The following GAS7 variants were observed in gnomAD, a reference collection of about 807,000 sequenced individuals.
GAS7 encodes growth arrest specific 7.
Under a neutral mutation model 71.1 loss-of-function variants are expected in GAS7, and 28 were observed. The observed-to-expected ratio is 0.39, with a 90% CI of 0.29 to 0.54. GAS7 has a LOEUF of 0.54. Ranked by LOEUF, GAS7 falls within the 20% of genes least tolerant of loss-of-function variation. GAS7 has a pLI of 0.62. For missense variants in GAS7, 436 were observed against 627.8 expected, an observed-to-expected ratio of 0.69 and a Z score of 3.27; for synonymous variants, 258 against 245.8, an observed-to-expected ratio of 1.05 and a Z score of -0.46.
At chr17:9,999,352 T>C (rs1281019002) in intron 2 of GAS7, among the ~76,000 whole-genome samples, 1 of 152,110 alleles carries the variant, frequency 6.6e-6, no homozygotes, top group Non-Finnish European at 1.5e-5. Flanking sequence ...ACCCCGTCTC[T>C]ACTAAAAATA....
chr17:10,087,150 C>G (rs1003223666), intron 1 of GAS7, among the ~76,000 whole-genome samples: 1 of 152,226 alleles, frequency 6.6e-6, no homozygotes, highest in Non-Finnish European at 1.5e-5. Context: ...ATCCACCAGA[C>G]CAGGAGACTG....
At chr17:10,109,123 A>T (rs943897401) in intron 1 of GAS7, among the ~76,000 whole-genome samples, 6 of 152,112 alleles carry the variant, frequency 3.9e-5, no homozygotes, top group African/African-American at 1.4e-4. Flanking sequence ...AGCAAAAAAA[A>T]TTTAAAAAAA....
At chr17:10,053,900 G>GAGAGCTT (rs2073098297) in intron 1 of GAS7, among the ~76,000 whole-genome samples, 1 of 152,196 alleles carries the variant, frequency 6.6e-6, no homozygotes, top group Non-Finnish European at 1.5e-5. Context: ...GCTTCAGCAT[G>GAGAGCTT]CATCAGAAGG....
At chr17:10,190,808 T>G (rs2074492350) in intron 1 of GAS7, among the ~76,000 whole-genome samples, 1 of 150,072 alleles carries the variant, frequency 6.7e-6, no homozygotes, top group Non-Finnish European at 1.5e-5. Flanking sequence ...TAAAATACAC[T>G]AACGCTACTA....
intron 1 of GAS7, among the ~76,000 whole-genome samples, chr17:10,098,653 CCTT>C (rs1361156983): frequency 9.2e-5 from 14 of 152,188 alleles, no homozygotes; most frequent in African/African-American, 3.4e-4. Context: ...CAGGCACTCT[CCTT>C]CAGAACACAG....
At chr17:9,917,725 T>C (rs1340659179) in intron 13 of GAS7, among the ~76,000 whole-genome samples, 2 of 152,248 alleles carry the variant, frequency 1.3e-5, no homozygotes, top group African/African-American at 4.8e-5. Context: ...TTTAATAATG[T>C]CTTCAGCTAC....
At chr17:10,042,265 G>A (rs1043971083) in intron 1 of GAS7, among the ~76,000 whole-genome samples, 7 of 148,204 alleles carry the variant, frequency 4.7e-5, no homozygotes, top group African/African-American at 1.8e-4. Flanking sequence ...ACCGCACTCC[G>A]GCCTGGGTGA....
chr17:9,996,621 A>G (rs139837988), intron 2 of GAS7, among the ~76,000 whole-genome samples: 145 of 151,096 alleles, frequency 9.6e-4, no homozygotes, highest in African/African-American at 3.5e-3. Context: ...ATATATACAC[A>G]CATATATATA....
chr17:9,965,018 G>A (rs2069648899), intron 4 of GAS7, among the ~76,000 whole-genome samples: 1 of 152,116 alleles, frequency 6.6e-6, no homozygotes, highest in South Asian at 2.1e-4. Context: ...TTCGTGAGAA[G>A]CCAGAACAAT....
chr17:9,995,498 T>C (rs77253214), intron 2 of GAS7, among the ~76,000 whole-genome samples: 2,002 of 144,714 alleles, frequency 0.014, 40 homozygotes, highest in African/African-American at 0.049. Flanking sequence ...AAAGAACATA[T>C]ACAGGTGATT....
intron 1 of GAS7, among the ~76,000 whole-genome samples, chr17:10,181,320 A>T (rs138590904): frequency 0.14 from 20,960 of 151,074 alleles, 1,595 homozygotes; most frequent in East Asian, 0.23. Flanking sequence ...AGATTGAGCC[A>T]CTGCACTCCA....
intron 1 of GAS7, among the ~76,000 whole-genome samples, chr17:10,078,064 T>A (rs1406767881): frequency 6.9e-5 from 8 of 115,976 alleles, no homozygotes; most frequent in Admixed American, 4.3e-4. Flanking sequence ...TGTGTGTGTG[T>A]GTGTGTGTGT....
At chr17:10,084,330 T>C (rs1388445313) in intron 1 of GAS7, among the ~76,000 whole-genome samples, 4 of 152,166 alleles carry the variant, frequency 2.6e-5, no homozygotes, top group Admixed American at 6.6e-5. Context: ...ATAATCATAG[T>C]GGTCCTATTA....
At chr17:10,083,075 C>T (rs758736246) in intron 1 of GAS7, among the ~76,000 whole-genome samples, 1 of 152,176 alleles carries the variant, frequency 6.6e-6, no homozygotes, top group African/African-American at 2.4e-5. Flanking sequence ...GTAGTGGTTG[C>T]AAGGGTGTAT....
intron 2 of GAS7, among the ~76,000 whole-genome samples, chr17:10,009,096 G>A (rs921247304): frequency 1.3e-5 from 2 of 151,858 alleles, no homozygotes; most frequent in African/African-American, 4.8e-5. Context: ...CGAGGCGGGC[G>A]GATCACGAGG....
At chr17:10,048,769 G>T (rs545943947) in intron 1 of GAS7, among the ~76,000 whole-genome samples, 1 of 152,154 alleles carries the variant, frequency 6.6e-6, no homozygotes, top group African/African-American at 2.4e-5. Context: ...TTACCCTCCA[G>T]GCACTGAGAG....
chr17:10,160,939 T>TACACACACACACACAC lies in GAS7; in HGVS notation c.183+37253_183+37268dup, dbSNP rs61578754. Reference sequence around the variant, plus strand: ...TTGGAAGCCATAGAAATTGAAACCATACACACACACACACACACACACACA... The same window carrying TACACACACACACACAC: ...TTGGAAGCCATAGAAATTGAAACCATACACACACACACACACACACACACACACACACACACACACA... On this transcript the variant is annotated intron_variant, in intron 1 of 13. Transcript: ENST00000432992. Among the ~76,000 whole-genome samples the TACACACACACACACAC allele has an allele frequency of 2.2e-3, 302 of 139,686 alleles. 2 individuals are homozygous for TACACACACACACACAC. Among genetic ancestry groups the TACACACACACACACAC allele is most frequent in the South Asian group, 0.01 (43 of 4,294 alleles). The allele number at this position is 139,686 out of a possible 152,430, so 91.6% of individuals were successfully genotyped here. A position where few individuals can be genotyped will look rare whatever the true frequency, so the allele number is the denominator to read the frequency against.
chr17:10,063,573 C>A (rs2152243628), intron 1 of GAS7, among the ~76,000 whole-genome samples: 1 of 152,300 alleles, frequency 6.6e-6, no homozygotes, highest in South Asian at 2.1e-4. Flanking sequence ...TTGCCCCAGG[C>A]AAACTGGGGC....
chr17:10,044,318 GC>G (rs1403001470), intron 1 of GAS7, among the ~76,000 whole-genome samples: 7 of 152,236 alleles, frequency 4.6e-5, no homozygotes, highest in African/African-American at 1.7e-4. Context: ...CACATGACAA[GC>G]CGATGCTCTC....
Sources: gnomAD v4.1 joint callset for allele counts (sites outside exome capture counted in the v4.1 genomes callset) on GRCh38, gnomAD v4.1.1 for gene constraint, MANE v1.5 for transcripts, NCBI Gene and HGNC (gene_info 2026-07-23, HGNC 2026-07-21) for gene names.